CNST: variants seen among roughly 807,000 people sequenced by gnomAD.
CNST encodes consortin, connexin sorting protein.
In CNST, 39 loss-of-function variants were observed where a neutral mutation model predicts 72.4. That is an observed-to-expected ratio of 0.54 (90% CI 0.42 to 0.70). CNST has a LOEUF of 0.70. Among genes scored for constraint, CNST ranks in the 30% least tolerant of loss-of-function variants. The probability of loss-of-function intolerance (pLI) is 0.00; values close to 1 mark genes in which losing one functional copy is unlikely to be tolerated. For synonymous variants in CNST, 332 were observed against 320.1 expected, an observed-to-expected ratio of 1.04 and a Z score of -0.40; for missense variants, 871 against 868.5, an observed-to-expected ratio of 1.00 and a Z score of -0.04.
chr1:246,661,735 T>TA, intron 10 of CNST, among the ~76,000 whole-genome samples: 1 of 152,306 alleles, frequency 6.6e-6, no homozygotes, highest in South Asian at 2.1e-4. Flanking sequence ...CTCATATTCA[T>TA]AAAACAACTG....
At chr1:246,584,116 A>T (rs1163240674) in intron 1 of CNST, among the ~76,000 whole-genome samples, 1 of 152,122 alleles carries the variant, frequency 6.6e-6, no homozygotes, top group Non-Finnish European at 1.5e-5. Flanking sequence ...AATATTTTAG[A>T]GTGTCTGTAG....
chr1:246,593,404 C>G (rs1661676425), intron 2 of CNST, among the ~76,000 whole-genome samples: 1 of 151,690 alleles, frequency 6.6e-6, no homozygotes, highest in Non-Finnish European at 1.5e-5. Flanking sequence ...CTCACTGCAA[C>G]CTCCGCCTCC....
At chr1:246,581,388 C>T (rs937354869) in intron 1 of CNST, among the ~76,000 whole-genome samples, 2 of 152,166 alleles carry the variant, frequency 1.3e-5, no homozygotes, top group African/African-American at 2.4e-5. Flanking sequence ...CTCAGCCTCC[C>T]GAGTAGCTGG....
chr1:246,652,871 G>A (rs1666550877), intron 9 of CNST, among the ~76,000 whole-genome samples: 1 of 151,000 alleles, frequency 6.6e-6, no homozygotes, highest in East Asian at 1.9e-4. Flanking sequence ...GGGCGTGGTG[G>A]CGGGCGCCTG....
At chr1:246,571,401 C>T (rs1191990571) in intron 1 of CNST, among the ~76,000 whole-genome samples, 1 of 152,238 alleles carries the variant, frequency 6.6e-6, no homozygotes, top group South Asian at 2.1e-4. Flanking sequence ...CCGCCCACCT[C>T]AGCCTCCCAA....
intron 2 of CNST, among the ~76,000 whole-genome samples, chr1:246,602,897 GT>G (rs5782399): frequency 0.42 from 62,833 of 149,324 alleles, 15,042 homozygotes; most frequent in Non-Finnish European, 0.54. Context: ...TTTTTGTCTA[GT>G]TTTTTTTTTT....
intron 2 of CNST, among the ~76,000 whole-genome samples, chr1:246,599,643 C>T (rs1662136006): frequency 6.6e-6 from 1 of 152,172 alleles, no homozygotes; most frequent in African/African-American, 2.4e-5. Flanking sequence ...CGCAATGGCT[C>T]ACACCTGTAA....
In CNST at chr1:246,647,930, C is replaced by G. The variant is rs753311239; in HGVS notation, c.1729C>G (p.Gln577Glu). 2.5e-6 allele frequency: 4 copies of G among 1,613,534 alleles called. No homozygotes were observed. In the African/African-American group the frequency reaches 5.3e-5, roughly 22 times the overall value. The change falls in exon 9 of 11, where the codon CAA (glutamine) becomes GAA (glutamate). Residue 577 changes from glutamine (Q) to glutamate (E), a missense_variant. Transcript: ENST00000366513. ...CCAAGACGACGACTCCGATCTCCTT[C>G]AAGATCTCTCTCCTGAAGAAGCATC... ...DNQDDDSDLL[Q>E]DLSPEEASYS...
At chr1:246,579,499 T>C (rs145638065) in intron 1 of CNST, among the ~76,000 whole-genome samples, 4,833 of 152,328 alleles carry the variant, frequency 0.032, 259 homozygotes, top group African/African-American at 0.1. Context: ...CTGGGCTAGG[T>C]GGCTCACACC....
intron 6 of CNST, among the ~76,000 whole-genome samples, chr1:246,640,350 G>A (rs1031181324): frequency 2.6e-5 from 4 of 152,270 alleles, no homozygotes; most frequent in South Asian, 4.1e-4. Flanking sequence ...TCTGATGCTA[G>A]AAAGCAAATA....
Position 246,647,437 on chromosome 1 carries a change from C to G in CNST, c.1236C>G (p.Ala412=), listed in dbSNP as rs1186863204. Residue 412 remains alanine (A), a synonymous_variant, in exon 9 of 11, where the codon GCC becomes GCG. Coordinates refer to ENST00000366513, the MANE Select transcript of CNST (RefSeq NM_152609.3). ...AAACAGAGGCCTGCCAGGATGTGGC[C>G]AGAATAGAGGGCATTGCTGAAGACC... The part of the protein sequence containing the change: ...LAQTEACQDV[A]RIEGIAEDPK... 1 of 1,614,086 alleles carries G rather than the reference C, an allele frequency of 6.2e-7. No individual in the cohort carries two copies. Among genetic ancestry groups the G allele is most frequent in the Non-Finnish European group, 8.5e-7 (1 of 1,180,030 alleles).
At chr1:246,654,568 A>T (rs1302234908) in intron 9 of CNST, among the ~76,000 whole-genome samples, 1 of 152,198 alleles carries the variant, frequency 6.6e-6, no homozygotes, top group Non-Finnish European at 1.5e-5. Context: ...ACGCACACAT[A>T]CTGTCTTCTA....
chr1:246,650,676 C>CTTTTTTT (rs10693662), intron 9 of CNST, among the ~76,000 whole-genome samples: 8 of 127,678 alleles, frequency 6.3e-5, no homozygotes, highest in Admixed American at 8.5e-5. Context: ...TTAATTCAAA[C>CTTTTTTT]TTTTTTTTTT....
At chr1:246,627,671 A>G (rs889900104) in intron 3 of CNST, among the ~76,000 whole-genome samples, 1 of 152,200 alleles carries the variant, frequency 6.6e-6, no homozygotes, top group African/African-American at 2.4e-5. Context: ...TCCTGTTTGT[A>G]GAAGTATTTG....
chr1:246,570,032 G>A (rs1197032903), intron 1 of CNST: 2 of 420,558 alleles, frequency 4.8e-6, no homozygotes, highest in Non-Finnish European at 6.4e-6. Context: ...TTATATCATG[G>A]TGTTTCTTAC....
At chr1:246,588,589 G>A (rs1661340547) in intron 1 of CNST, among the ~76,000 whole-genome samples, 1 of 152,108 alleles carries the variant, frequency 6.6e-6, no homozygotes, top group African/African-American at 2.4e-5. Context: ...AAATATGTGA[G>A]ACATATATGT....
At chr1:246,617,636 A>T (rs1663793679) in intron 2 of CNST, among the ~76,000 whole-genome samples, 1 of 152,210 alleles carries the variant, frequency 6.6e-6, no homozygotes, top group Non-Finnish European at 1.5e-5. Flanking sequence ...TATGGCTAAT[A>T]AGTAGGTGAA....
At chr1:246,662,775 C>T (rs1005394642) in intron 10 of CNST, among the ~76,000 whole-genome samples, 1 of 152,176 alleles carries the variant, frequency 6.6e-6, no homozygotes, top group Admixed American at 6.5e-5. Flanking sequence ...ACTAGTGAGA[C>T]ATTTTACATC....
intron 2 of CNST, among the ~76,000 whole-genome samples, chr1:246,604,628 A>T (rs140976682): frequency 1.5e-3 from 225 of 151,582 alleles, no homozygotes; most frequent in African/African-American, 5.1e-3. Context: ...CCACAAATAT[A>T]TATATTTTCA....
Sources: allele counts gnomAD v4.1 joint callset (sites outside exome capture counted in the v4.1 genomes callset), GRCh38; gene constraint gnomAD v4.1.1; transcripts MANE v1.5; gene names NCBI Gene and HGNC (gene_info 2026-07-23, HGNC 2026-07-21).